The following PKNOX2 variants were observed in gnomAD, a reference collection of about 807,000 sequenced individuals.
PKNOX2 encodes homeobox protein PKNOX2.
PKNOX2 carries 14 observed loss-of-function variants against 53.1 expected under a neutral mutation model. That is an observed-to-expected ratio of 0.26 (90% CI 0.17 to 0.41). The LOEUF (loss-of-function observed/expected upper bound fraction) is 0.41. Among genes scored for constraint, PKNOX2 ranks in the 10% least tolerant of loss-of-function variants. The pLI, the probability that PKNOX2 is intolerant of heterozygous loss-of-function variation, is 1.00. For missense variants in PKNOX2, 496 were observed against 602.8 expected (o/e 0.82, Z 1.85); for synonymous variants, 257 against 242.8 (o/e 1.06, Z -0.54).
At chr11:125,209,999 C>G (rs985403835) in intron 1 of PKNOX2, among the ~76,000 whole-genome samples, 1 of 152,118 alleles carries the variant, frequency 6.6e-6, no homozygotes, top group Admixed American at 6.5e-5. Flanking sequence ...CTGACCATCA[C>G]TGGAGGTGAA....
At chr11:125,234,980 C>G (rs1251784450) in intron 1 of PKNOX2, 65 bp from the exon 2 acceptor site, 2 of 152,696 alleles carry the variant, frequency 1.3e-5, no homozygotes, top group African/African-American at 4.8e-5. Flanking sequence ...ACCCCCTTCC[C>G]CATCCTGGCT....
At chr11:125,279,437 C>G (rs987742150) in intron 2 of PKNOX2, among the ~76,000 whole-genome samples, 1 of 152,196 alleles carries the variant, frequency 6.6e-6, no homozygotes, top group Non-Finnish European at 1.5e-5. Context: ...ATTCACTGGC[C>G]TCGCATGTCA....
chr11:125,394,632 G>T (rs1954273840), intron 6 of PKNOX2, among the ~76,000 whole-genome samples: 1 of 152,192 alleles, frequency 6.6e-6, no homozygotes, highest in Non-Finnish European at 1.5e-5. Context: ...ACAATTCTCT[G>T]GGAGAGATTT....
chr11:125,342,858 C>T (rs1333119664), intron 3 of PKNOX2, among the ~76,000 whole-genome samples: 2 of 151,522 alleles, frequency 1.3e-5, no homozygotes, highest in East Asian at 1.9e-4. Flanking sequence ...TCCACTGTCC[C>T]GATCCCTGGA....
chr11:125,363,567 G>A (rs1430913839), intron 4 of PKNOX2, among the ~76,000 whole-genome samples: 1 of 152,148 alleles, frequency 6.6e-6, no homozygotes, highest in Non-Finnish European at 1.5e-5. Flanking sequence ...TCCCCTGGTT[G>A]AAAAGGGACA....
chr11:125,311,162 C>T (rs1948778369), intron 2 of PKNOX2, among the ~76,000 whole-genome samples: 1 of 152,138 alleles, frequency 6.6e-6, no homozygotes, highest in Admixed American at 6.6e-5. Context: ...ATCTTTTGTA[C>T]ATGTACTTTT....
chr11:125,270,476 C>T (rs1178373300), intron 2 of PKNOX2, among the ~76,000 whole-genome samples: 1 of 152,152 alleles, frequency 6.6e-6, no homozygotes, highest in Non-Finnish European at 1.5e-5. Flanking sequence ...TCAGCCTTTC[C>T]CCCTATTGAA....
chr11:125,288,015 G>A (rs1947022644), intron 2 of PKNOX2: 1 of 152,276 alleles, frequency 6.6e-6, no homozygotes, highest in Non-Finnish European at 1.5e-5. Context: ...AACATGCTCT[G>A]GGATTAATGG....
chr11:125,421,827 G>A (rs1289337995), intron 10 of PKNOX2, among the ~76,000 whole-genome samples: 1 of 152,222 alleles, frequency 6.6e-6, no homozygotes, highest in East Asian at 1.9e-4. Flanking sequence ...TCCAGACTCT[G>A]CAAACCACAT....
At chr11:125,179,179 G>C (rs1379656946) in intron 1 of PKNOX2, among the ~76,000 whole-genome samples, 1 of 152,136 alleles carries the variant, frequency 6.6e-6, no homozygotes, top group Non-Finnish European at 1.5e-5. Flanking sequence ...GGTATCCTGA[G>C]CATGTGCCCA....
intron 1 of PKNOX2, among the ~76,000 whole-genome samples, chr11:125,209,708 C>T (rs961714046): frequency 3.3e-5 from 5 of 151,788 alleles, no homozygotes; most frequent in African/African-American, 1.2e-4. Context: ...CAAGGGAGGG[C>T]TGCAAGATAT....
At chr11:125,238,795 G>T (rs997672437) in intron 2 of PKNOX2, among the ~76,000 whole-genome samples, 2 of 152,220 alleles carry the variant, frequency 1.3e-5, no homozygotes, top group Admixed American at 1.3e-4. Context: ...GAAGGAAACA[G>T]ATGGACACAA....
At chr11:125,330,723 A>G (rs1427063768) in intron 2 of PKNOX2, among the ~76,000 whole-genome samples, 1 of 151,948 alleles carries the variant, frequency 6.6e-6, no homozygotes, top group Non-Finnish European at 1.5e-5. Flanking sequence ...CACACACCAG[A>G]AGGGAGGTGA....
At chr11:125,337,927 C>A (rs1404400898) in intron 3 of PKNOX2, among the ~76,000 whole-genome samples, 1 of 152,162 alleles carries the variant, frequency 6.6e-6, no homozygotes, top group Admixed American at 6.5e-5. Flanking sequence ...GACTCAGGAC[C>A]CTTCCACCTC....
chr11:125,179,516 C>T (rs185857223), intron 1 of PKNOX2, among the ~76,000 whole-genome samples: 27 of 152,240 alleles, frequency 1.8e-4, no homozygotes, highest in Non-Finnish European at 3.2e-4. Context: ...GTTGAAGGCC[C>T]CCCGGCAGGG....
At chr11:125,210,046 C>T (rs1282067539) in intron 1 of PKNOX2, among the ~76,000 whole-genome samples, 1 of 152,106 alleles carries the variant, frequency 6.6e-6, no homozygotes, top group Non-Finnish European at 1.5e-5. Flanking sequence ...GAGCCCTGGA[C>T]AGGTCATCTC....
At chr11:125,245,025 T>A (rs917997477) in intron 2 of PKNOX2, among the ~76,000 whole-genome samples, 2 of 152,126 alleles carry the variant, frequency 1.3e-5, no homozygotes, top group Non-Finnish European at 1.5e-5. Flanking sequence ...GCAGGAGAAG[T>A]TCACTGTTGC....
At chr11:125,319,216 A>G (rs1175361803) in intron 2 of PKNOX2, among the ~76,000 whole-genome samples, 2 of 152,218 alleles carry the variant, frequency 1.3e-5, no homozygotes, top group Non-Finnish European at 2.9e-5. Context: ...CCTCACACAC[A>G]TGACATTTAT....
At chr11:125,307,035 C>T (rs889926274) in intron 2 of PKNOX2, among the ~76,000 whole-genome samples, 19 of 152,190 alleles carry the variant, frequency 1.2e-4, no homozygotes, top group Non-Finnish European at 2.2e-4. Flanking sequence ...ACCTCTGCTA[C>T]AGCACTTCTC....
Sources: gnomAD v4.1 joint callset for allele counts (sites outside exome capture counted in the v4.1 genomes callset) on GRCh38, gnomAD v4.1.1 for gene constraint, MANE v1.5 for transcripts, NCBI Gene and HGNC (gene_info 2026-07-23, HGNC 2026-07-21) for gene names.